The following MTCL1 variants were observed in gnomAD, a reference collection of about 807,000 sequenced individuals.
The protein encoded by MTCL1 is microtubule cross-linking factor 1.
Under a neutral mutation model 141.4 loss-of-function variants are expected in MTCL1, and 79 were observed. That is an observed-to-expected ratio of 0.56 (90% CI 0.47 to 0.67). The LOEUF (loss-of-function observed/expected upper bound fraction) is 0.67. Ranked by LOEUF, MTCL1 falls within the 30% of genes least tolerant of loss-of-function variation. The pLI, the probability that MTCL1 is intolerant of heterozygous loss-of-function variation, is 0.00. For synonymous variants in MTCL1, 914 were observed against 875.8 expected (o/e 1.04, Z -0.77); for missense variants, 2,177 against 2,113.9 (o/e 1.03, Z -0.59).
At chr18:8,723,185 C>CA (rs1017545942) in intron 4 of MTCL1, among the ~76,000 whole-genome samples, 1 of 152,106 alleles carries the variant, frequency 6.6e-6, no homozygotes, top group African/African-American at 2.4e-5. Flanking sequence ...ACAGGAGTCC[C>CA]AGGAGCGTTA....
At chr18:8,738,944 A>G (rs182129387) in intron 4 of MTCL1, among the ~76,000 whole-genome samples, 2 of 152,330 alleles carry the variant, frequency 1.3e-5, no homozygotes, top group South Asian at 2.1e-4. Flanking sequence ...TTCATCTAAA[A>G]AAAATCATCC....
intron 11 of MTCL1, among the ~76,000 whole-genome samples, chr18:8,811,654 T>C (rs753503516): frequency 1.2e-4 from 18 of 152,160 alleles, no homozygotes; most frequent in Non-Finnish European, 2.5e-4. Flanking sequence ...GAACTCTACA[T>C]AGGAATAATG....
chr18:8,767,267 T>C (rs2096463896), intron 4 of MTCL1, among the ~76,000 whole-genome samples: 1 of 152,242 alleles, frequency 6.6e-6, no homozygotes, highest in Admixed American at 6.5e-5. Flanking sequence ...GGGGCATCAG[T>C]AGCTTTTGTG....
intron 11 of MTCL1, among the ~76,000 whole-genome samples, chr18:8,812,557 T>C (rs190022959): frequency 1.2e-4 from 19 of 152,350 alleles, no homozygotes; most frequent in African/African-American, 4.3e-4. Flanking sequence ...ATGTAGAATC[T>C]TGTTTGGTTT....
At chr18:8,724,398 C>T (rs756403494) in intron 4 of MTCL1, among the ~76,000 whole-genome samples, 1 of 152,052 alleles carries the variant, frequency 6.6e-6, no homozygotes, top group Non-Finnish European at 1.5e-5. Context: ...GCAACAAGAG[C>T]AAAACTCCAT....
At chr18:8,771,987 G>A (rs1278178422) in intron 4 of MTCL1, among the ~76,000 whole-genome samples, 1 of 152,226 alleles carries the variant, frequency 6.6e-6, no homozygotes, top group Non-Finnish European at 1.5e-5. Flanking sequence ...CATGACTAAT[G>A]TACACGCAAA....
intron 7 of MTCL1, among the ~76,000 whole-genome samples, chr18:8,792,304 C>T (rs1003787523): frequency 6.6e-6 from 1 of 152,158 alleles, no homozygotes; most frequent in African/African-American, 2.4e-5. Context: ...GGCATTAGAA[C>T]ATAAAAGGTA....
At position 8,810,217 on chromosome 18, in the gene MTCL1, CTG is replaced by C. The variant is rs1418901252; in HGVS notation, c.2605-2759_2605-2758del. On this transcript the variant is annotated intron_variant, in intron 11 of 16. Coordinates refer to ENST00000359865, the Ensembl canonical transcript of MTCL1. The surrounding 1 kb of genome is among the most constrained non-coding windows in gnomAD (Gnocchi z 5.0). ...CCGTCAGGTGTGCGGGGCTGAAGGA[CTG>C]TGCGCTGTGCCGAGGGACAGAAGTT... 6.5e-6 allele frequency: 1 copy of C among 152,690 alleles called. No individual in the cohort carries two copies. Among genetic ancestry groups the C allele is most frequent in the Non-Finnish European group, 1.5e-5 (1 of 68,398 alleles). The allele number at this position is 152,690 out of a possible 1,614,324, so 9.5% of individuals were successfully genotyped here.
At chr18:8,794,866 G>A (rs942369137) in intron 8 of MTCL1, among the ~76,000 whole-genome samples, 1 of 152,140 alleles carries the variant, frequency 6.6e-6, no homozygotes, top group Non-Finnish European at 1.5e-5. Flanking sequence ...TTATTGTCAT[G>A]TACCTAACTC....
chr18:8,719,614 G>A (rs945201725), intron 3 of MTCL1, among the ~76,000 whole-genome samples: 3 of 152,174 alleles, frequency 2.0e-5, no homozygotes, highest in African/African-American at 7.2e-5. Context: ...CCAGGCTGGA[G>A]TGCAGAGGCA....
At chr18:8,714,108 T>G (rs1417190063), upstream of MTCL1, among the ~76,000 whole-genome samples, 3 of 152,222 alleles carry the variant, frequency 2.0e-5, no homozygotes, top group African/African-American at 7.2e-5. Context: ...AAAAGTACAA[T>G]TGAAGGTCTG....
chr18:8,824,865 A>G, exon 15 of MTCL1: 1 of 1,613,990 alleles, frequency 6.2e-7, no homozygotes, highest in Non-Finnish European at 8.5e-7. Context: ...CTGGGACTAC[A>G]CACCCAACAG....
chr18:8,715,957 G>T (rs940951499), upstream of MTCL1, among the ~76,000 whole-genome samples: 1 of 152,208 alleles, frequency 6.6e-6, no homozygotes, highest in Non-Finnish European at 1.5e-5. Flanking sequence ...TTCTGTTTAT[G>T]TGTGTTCAGC....
At chr18:8,763,975 TG>T (rs33957106) in intron 4 of MTCL1, among the ~76,000 whole-genome samples, 61,152 of 151,980 alleles carry the variant, frequency 0.4, 13,791 homozygotes, top group East Asian at 0.61. Context: ...TTTATATACT[TG>T]GTGAAGTTAG....
At chr18:8,806,755 C>G (rs1435941087) in intron 10 of MTCL1, 138 bp from the exon 10 acceptor site, 1 of 777,694 alleles carries the variant, frequency 1.3e-6, no homozygotes, top group South Asian at 1.9e-5. Context: ...ACTGCAGACT[C>G]CCCACCCACC....
chr18:8,806,685 A>G (rs2076307705), intron 10 of MTCL1, among the ~76,000 whole-genome samples: 2 of 152,074 alleles, frequency 1.3e-5, no homozygotes, highest in South Asian at 2.1e-4. Flanking sequence ...ACAGGCCCTC[A>G]GTCTCAGGCC....
intron 4 of MTCL1, among the ~76,000 whole-genome samples, chr18:8,756,381 A>G (rs186516317): frequency 1.3e-5 from 2 of 150,702 alleles, no homozygotes; most frequent in African/African-American, 4.9e-5. Flanking sequence ...GTATATATGT[A>G]TATATGTGTA....
chr18:8,807,574 C>T (rs2076343028), intron 11 of MTCL1, among the ~76,000 whole-genome samples: 1 of 152,214 alleles, frequency 6.6e-6, no homozygotes, highest in Non-Finnish European at 1.5e-5. Context: ...AGAAACAGCT[C>T]AGCTCAGATC....
chr18:8,829,893 A>G, intron 16 of MTCL1: 1 of 985,240 alleles, frequency 1.0e-6, no homozygotes, highest in Non-Finnish European at 1.2e-6. Context: ...ATGCAGACTC[A>G]CAGTGATTCT....
Sources: allele counts gnomAD v4.1 joint callset (sites outside exome capture counted in the v4.1 genomes callset), GRCh38; gene constraint gnomAD v4.1.1; non-coding constraint Gnocchi (gnomAD v3.1); transcripts MANE v1.5; gene names NCBI Gene and HGNC (gene_info 2026-07-23, HGNC 2026-07-21).